The following LHFPL3 variants were observed in gnomAD, a reference collection of about 807,000 sequenced individuals.
LHFPL3 encodes LHFPL tetraspan subfamily member 3 protein.
A neutral mutation model predicts 19.3 loss-of-function variants in LHFPL3; 5 were observed. The ratio of observed to expected loss-of-function variants is 0.26; its 90% confidence interval spans 0.14 to 0.54. LHFPL3 has a LOEUF of 0.54. Among genes scored for constraint, LHFPL3 ranks in the 20% least tolerant of loss-of-function variants. LHFPL3 has a pLI of 0.94. For synonymous variants in LHFPL3, 133 were observed against 126.2 expected (o/e 1.05, Z -0.36); for missense variants, 249 against 307.4 (o/e 0.81, Z 1.42).
At chr7:104,722,133 G>A (rs1306030636) in intron 1 of LHFPL3, among the ~76,000 whole-genome samples, 2 of 151,900 alleles carry the variant, frequency 1.3e-5, no homozygotes, top group East Asian at 3.9e-4. Flanking sequence ...CCTTTTGTCT[G>A]GCAACATATT....
intron 1 of LHFPL3, among the ~76,000 whole-genome samples, chr7:104,574,577 A>T (rs1790287121): frequency 6.6e-6 from 1 of 152,198 alleles, no homozygotes. Context: ...AACTAGAGAG[A>T]TGTCCTCTAG....
intron 1 of LHFPL3, among the ~76,000 whole-genome samples, chr7:104,374,788 C>A (rs768689370): frequency 3.3e-5 from 5 of 152,084 alleles, no homozygotes; most frequent in Non-Finnish European, 1.5e-5. Context: ...AGTTCCTCCA[C>A]CAGAGTGTAA....
intron 1 of LHFPL3, among the ~76,000 whole-genome samples, chr7:104,403,408 A>G (rs555958329): frequency 2.0e-5 from 3 of 152,274 alleles, no homozygotes; most frequent in Admixed American, 6.5e-5. Context: ...GACAAGGACT[A>G]TGTCTTATTC....
At chr7:104,845,312 T>C in intron 2 of LHFPL3, 1 of 860,560 alleles carries the variant, frequency 1.2e-6, no homozygotes, top group African/African-American at 1.7e-5. Context: ...TCAGTTTTAA[T>C]CTTTAAAAAA....
At chr7:104,824,147 T>C (rs1205416037) in intron 2 of LHFPL3, among the ~76,000 whole-genome samples, 73 of 32,440 alleles carry the variant, frequency 2.3e-3, no homozygotes, top group African/African-American at 8.2e-3. Flanking sequence ...CTTCTCTGTT[T>C]CAAAAAAAAT....
chr7:104,719,600 A>G (rs1039071547), intron 1 of LHFPL3, among the ~76,000 whole-genome samples: 4 of 152,212 alleles, frequency 2.6e-5, no homozygotes, highest in African/African-American at 9.6e-5. Context: ...TAAATAAAAG[A>G]AATATTTATA....
intron 1 of LHFPL3, among the ~76,000 whole-genome samples, chr7:104,619,167 T>A (rs1300097210): frequency 6.6e-6 from 1 of 152,194 alleles, no homozygotes; most frequent in African/African-American, 2.4e-5. Flanking sequence ...AAGAATAATA[T>A]CCAGTTTATC....
At chr7:104,486,976 A>G (rs1234647077) in intron 1 of LHFPL3, among the ~76,000 whole-genome samples, 2 of 151,910 alleles carry the variant, frequency 1.3e-5, no homozygotes, top group African/African-American at 4.8e-5. Context: ...TTTCTCATTA[A>G]TATTTAAAAA....
At chr7:104,466,584 T>C (rs887771246) in intron 1 of LHFPL3, among the ~76,000 whole-genome samples, 2 of 152,210 alleles carry the variant, frequency 1.3e-5, no homozygotes, top group Admixed American at 6.5e-5. Flanking sequence ...ATTCCCTATA[T>C]TGTTGTCAGG....
At chr7:104,665,078 T>C (rs1183250735) in intron 1 of LHFPL3, among the ~76,000 whole-genome samples, 1 of 152,242 alleles carries the variant, frequency 6.6e-6, no homozygotes, top group African/African-American at 2.4e-5. Flanking sequence ...TAGCACTTAA[T>C]CACTAATTTG....
chr7:104,554,403 T>A (rs1047681745), intron 1 of LHFPL3, among the ~76,000 whole-genome samples: 1 of 152,152 alleles, frequency 6.6e-6, no homozygotes, highest in Non-Finnish European at 1.5e-5. Flanking sequence ...GCCAACAATC[T>A]GATTGGAAGA....
intron 2 of LHFPL3, among the ~76,000 whole-genome samples, chr7:104,808,120 A>G (rs1790401075): frequency 6.6e-6 from 1 of 152,152 alleles, no homozygotes. Flanking sequence ...CTCCCCCATC[A>G]GCCACACTCT....
chr7:104,847,657 C>T (rs954882665), intron 2 of LHFPL3, among the ~76,000 whole-genome samples: 2 of 152,320 alleles, frequency 1.3e-5, no homozygotes, highest in East Asian at 3.9e-4. Context: ...ACTACAGCTA[C>T]ATGCAACCAT....
At chr7:104,657,001 A>C (rs1792133153) in intron 1 of LHFPL3, among the ~76,000 whole-genome samples, 1 of 152,148 alleles carries the variant, frequency 6.6e-6, no homozygotes, top group Non-Finnish European at 1.5e-5. Flanking sequence ...ATGGCCTCTC[A>C]TTTACTTTCT....
At chr7:104,423,654 T>G (rs1393566337) in intron 1 of LHFPL3, among the ~76,000 whole-genome samples, 1 of 152,066 alleles carries the variant, frequency 6.6e-6, no homozygotes, top group Non-Finnish European at 1.5e-5. Flanking sequence ...AGCAAGACCC[T>G]GTCTCAAAAG....
At chr7:104,524,833 G>T (rs190800376) in intron 1 of LHFPL3, among the ~76,000 whole-genome samples, 1 of 152,182 alleles carries the variant, frequency 6.6e-6, no homozygotes, top group Non-Finnish European at 1.5e-5. Context: ...CCTACTATTT[G>T]TTCTTTTCTA....
At chr7:104,878,124 C>T (rs368257328) in intron 2 of LHFPL3, among the ~76,000 whole-genome samples, 20 of 152,252 alleles carry the variant, frequency 1.3e-4, no homozygotes, top group South Asian at 1.0e-3. Flanking sequence ...CATGAGCCAC[C>T]GTGCCTGGCC....
chr7:104,813,856 CTT>C (rs1311643606), intron 2 of LHFPL3, among the ~76,000 whole-genome samples: 1 of 152,230 alleles, frequency 6.6e-6, no homozygotes. Flanking sequence ...ATAGCCCTGA[CTT>C]GGGGAGCTCC....
intron 2 of LHFPL3, among the ~76,000 whole-genome samples, chr7:104,817,674 G>A (rs1371864696): frequency 2.6e-5 from 4 of 152,020 alleles, no homozygotes; most frequent in Non-Finnish European, 1.5e-5. Context: ...CTGATTTGAC[G>A]ATTGACAATT....
Sources: gnomAD v4.1 joint callset for allele counts (sites outside exome capture counted in the v4.1 genomes callset) on GRCh38, gnomAD v4.1.1 for gene constraint, MANE v1.5 for transcripts, NCBI Gene and HGNC (gene_info 2026-07-23, HGNC 2026-07-21) for gene names.